The following PTPRD variants were observed in gnomAD, a reference collection of about 807,000 sequenced individuals.
The protein encoded by PTPRD is protein tyrosine phosphatase receptor type D, also known as receptor-type tyrosine-protein phosphatase delta.
In PTPRD, 34 loss-of-function variants were observed where a neutral mutation model predicts 214.5. That is an observed-to-expected ratio of 0.16 (90% CI 0.12 to 0.21). PTPRD has a LOEUF of 0.21. PTPRD is among the 10% of genes least tolerant of loss of function. The pLI is 1.00. For synonymous variants in PTPRD, 1,128 were observed against 845.7 expected (o/e 1.33, Z -5.79); for missense variants, 2,545 against 2,398.7 (o/e 1.06, Z -1.27).
At chr9:10,361,649 T>C (rs1385356887) in intron 2 of PTPRD, among the ~76,000 whole-genome samples, 3 of 152,146 alleles carry the variant, frequency 2.0e-5, no homozygotes, top group African/African-American at 7.2e-5. Flanking sequence ...AGAAACAAAA[T>C]TCTATGTCAA....
Position 9,241,077 on chromosome 9 carries a change from G to A in PTPRD, c.-202-57714C>T, listed in dbSNP as rs189882706. Among the ~76,000 whole-genome samples the A allele has an allele frequency of 3.9e-5, 6 of 152,176 alleles. No individual in the cohort carries two copies. In the East Asian group the frequency reaches 7.7e-4, roughly 20 times the overall value. Reference sequence around the variant, plus strand: ...AAATGAACTGAGTGATTTTGTGAACGTGCTCATCGAGATCAAACAGAGTAA... The same window carrying A: ...AAATGAACTGAGTGATTTTGTGAACATGCTCATCGAGATCAAACAGAGTAA... On this transcript the variant is annotated intron_variant, in intron 9 of 45. Transcript: ENST00000381196.
At chr9:10,607,802 C>T (rs559766024) in intron 2 of PTPRD, among the ~76,000 whole-genome samples, 3 of 151,746 alleles carry the variant, frequency 2.0e-5, no homozygotes, top group African/African-American at 7.2e-5. Context: ...GCATATATTC[C>T]TTCTTTGTAT....
At chr9:8,675,534 CACACAAAAAAAA>C (rs1170606943) in intron 12 of PTPRD, among the ~76,000 whole-genome samples, 3 of 73,802 alleles carry the variant, frequency 4.1e-5, no homozygotes, top group African/African-American at 2.0e-4. Flanking sequence ...CACACACACA[CACACAAAAAAAA>C]AAAAAAAAAA....
chr9:8,325,688 T>C lies in PTPRD; in HGVS notation c.5535-5722A>G, dbSNP rs528573094. ...ATTACCTTGGGCAGTATGGCCATTTTCACGATATTGATTCTTCCTATCCGT... is the reference window on the plus strand; with the variant it reads ...ATTACCTTGGGCAGTATGGCCATTTCCACGATATTGATTCTTCCTATCCGT... On this transcript the variant is annotated intron_variant, in intron 44 of 45. Coordinates refer to ENST00000381196, the MANE Select transcript of PTPRD (RefSeq NM_002839.4). Among the ~76,000 whole-genome samples, 5 of 152,206 alleles carry C rather than the reference T, an allele frequency of 3.3e-5. No individual in the cohort carries two copies. In the South Asian group the frequency reaches 1.0e-3, roughly 32 times the overall value.
chr9:8,793,048 G>C (rs1339309785), intron 11 of PTPRD, among the ~76,000 whole-genome samples: 1 of 152,176 alleles, frequency 6.6e-6, no homozygotes, highest in Non-Finnish European at 1.5e-5. Context: ...GTAAGGTCCT[G>C]TAGCGCTTTA....
At chr9:9,300,734 G>A (rs1453425993) in intron 9 of PTPRD, among the ~76,000 whole-genome samples, 2 of 151,716 alleles carry the variant, frequency 1.3e-5, no homozygotes, top group Admixed American at 6.6e-5. Flanking sequence ...GCTGTGCCCT[G>A]ATCTCAGACT....
chr9:10,326,016 T>A (rs560332710), intron 3 of PTPRD, among the ~76,000 whole-genome samples: 16 of 151,962 alleles, frequency 1.1e-4, no homozygotes, highest in African/African-American at 3.4e-4. Context: ...TAAAAAGATA[T>A]GTTTGTCCAA....
intron 3 of PTPRD, among the ~76,000 whole-genome samples, chr9:10,321,671 T>C (rs2096555369): frequency 6.6e-6 from 1 of 152,038 alleles, no homozygotes; most frequent in Non-Finnish European, 1.5e-5. Flanking sequence ...TTTATTTGTT[T>C]ATTAAAAATT....
At chr9:10,589,081 G>A (rs1484051469) in intron 2 of PTPRD, among the ~76,000 whole-genome samples, 1 of 152,024 alleles carries the variant, frequency 6.6e-6, no homozygotes, top group African/African-American at 2.4e-5. Flanking sequence ...GTTGTCTCAT[G>A]TATAGAATGT....
intron 11 of PTPRD, among the ~76,000 whole-genome samples, chr9:8,941,389 T>C (rs1001074203): frequency 2.0e-5 from 3 of 152,188 alleles, no homozygotes; most frequent in African/African-American, 7.2e-5. Context: ...TTGAATTGTA[T>C]GTATATAATT....
At chr9:9,958,952 A>C (rs1225067860) in intron 4 of PTPRD, among the ~76,000 whole-genome samples, 1 of 152,162 alleles carries the variant, frequency 6.6e-6, no homozygotes, top group Non-Finnish European at 1.5e-5. Context: ...GTGGGCTTTT[A>C]AAACTACACA....
intron 11 of PTPRD, among the ~76,000 whole-genome samples, chr9:8,888,572 T>A (rs916048069): frequency 1.3e-5 from 2 of 152,062 alleles, no homozygotes; most frequent in Admixed American, 1.3e-4. Flanking sequence ...TTATGAAAGG[T>A]TTCCCAACAG....
chr9:10,471,356 T>G (rs1249511100), intron 2 of PTPRD, among the ~76,000 whole-genome samples: 4 of 151,880 alleles, frequency 2.6e-5, no homozygotes, highest in Non-Finnish European at 4.4e-5. Flanking sequence ...GGTTTGGGGG[T>G]CATGGGTGTC....
chr9:10,357,482 A>C (rs1365663948), intron 2 of PTPRD, among the ~76,000 whole-genome samples: 5 of 152,220 alleles, frequency 3.3e-5, no homozygotes, highest in Non-Finnish European at 7.3e-5. Flanking sequence ...AGTAAAATGG[A>C]ATAAGATTAG....
chr9:8,339,131 T>TA, intron 42 of PTPRD, 84 bp from the exon 43 acceptor site: 2 of 1,317,588 alleles, frequency 1.5e-6, no homozygotes, highest in Non-Finnish European at 2.0e-6. Context: ...CTAATCTATC[T>TA]AATTTCCTTA....
At chr9:9,057,056 A>G (rs1474275806) in intron 10 of PTPRD, among the ~76,000 whole-genome samples, 2 of 152,184 alleles carry the variant, frequency 1.3e-5, no homozygotes, top group Non-Finnish European at 2.9e-5. Context: ...GGTTGTGATG[A>G]TTAAATGCCC....
chr9:10,029,344 C>T (rs1426026976), intron 4 of PTPRD, among the ~76,000 whole-genome samples: 1 of 152,164 alleles, frequency 6.6e-6, no homozygotes, highest in Admixed American at 6.5e-5. Flanking sequence ...GAGCCACCAT[C>T]CTCCAGACCC....
At chr9:8,704,491 C>T (rs1412107126) in intron 12 of PTPRD, among the ~76,000 whole-genome samples, 1 of 152,120 alleles carries the variant, frequency 6.6e-6, no homozygotes, top group Non-Finnish European at 1.5e-5. Flanking sequence ...AGTCCTAGCT[C>T]ATTACGTAGA....
At chr9:9,922,986 A>T (rs2083025004) in intron 5 of PTPRD, among the ~76,000 whole-genome samples, 1 of 151,992 alleles carries the variant, frequency 6.6e-6, no homozygotes, top group Admixed American at 6.6e-5. Context: ...TCAATGTCAC[A>T]TTTACTGAAT....
Sources: allele counts gnomAD v4.1 joint callset (sites outside exome capture counted in the v4.1 genomes callset), GRCh38; gene constraint gnomAD v4.1.1; transcripts MANE v1.5; gene names NCBI Gene and HGNC (gene_info 2026-07-23, HGNC 2026-07-21).